OSBPL8: variants seen among roughly 807,000 people sequenced by gnomAD.
OSBPL8 encodes oxysterol binding protein like 8.
Under a neutral mutation model 125.5 loss-of-function variants are expected in OSBPL8, and 59 were observed. That is an observed-to-expected ratio of 0.47 (90% CI 0.38 to 0.58). OSBPL8 has a LOEUF of 0.58. Ranked by LOEUF, OSBPL8 falls within the 20% of genes least tolerant of loss-of-function variation. OSBPL8 has a pLI of 0.00. For synonymous variants in OSBPL8, 330 were observed against 338.9 expected (o/e 0.97, Z 0.29); for missense variants, 758 against 1,047.8 (o/e 0.72, Z 3.82).
At chr12:76,499,575 G>A (rs1298418949) in intron 1 of OSBPL8, among the ~76,000 whole-genome samples, 1 of 152,058 alleles carries the variant, frequency 6.6e-6, no homozygotes, top group South Asian at 2.1e-4. Flanking sequence ...TGTCAGCCAG[G>A]TACAGTAGCT....
chr12:76,447,748 T>C (rs1431104385), intron 4 of OSBPL8, among the ~76,000 whole-genome samples: 1 of 152,224 alleles, frequency 6.6e-6, no homozygotes, highest in Non-Finnish European at 1.5e-5. Context: ...GGTTTCACCA[T>C]GTTGGCCAGG....
At chr12:76,504,106 G>A (rs1242256985) in intron 1 of OSBPL8, among the ~76,000 whole-genome samples, 1 of 147,668 alleles carries the variant, frequency 6.8e-6, no homozygotes, top group East Asian at 2.0e-4. Context: ...AAAAAAACCT[G>A]AGGTCCTAAA....
At chr12:76,548,097 T>C (rs919656269) in intron 1 of OSBPL8, among the ~76,000 whole-genome samples, 5 of 152,300 alleles carry the variant, frequency 3.3e-5, no homozygotes, top group Non-Finnish European at 4.4e-5. Context: ...AGAAGACTTC[T>C]AATAAAAGAT....
chr12:76,518,520 G>A (rs1275778290), intron 1 of OSBPL8, among the ~76,000 whole-genome samples: 1 of 152,184 alleles, frequency 6.6e-6, no homozygotes, highest in Non-Finnish European at 1.5e-5. Context: ...ACTAGGCAGT[G>A]CCCTAGAGGG....
chr12:76,352,148 G>A lies in OSBPL8; in HGVS notation c.*3741C>T, dbSNP rs1951845106. ...CTAAAAAGTGAAAAAAATTTCAACT[G>A]AAGTTCTGTGGCTCATCAGTTCAAA... On this transcript the variant is annotated 3_prime_UTR_variant, in exon 24 of 24. Coordinates refer to ENST00000261183, the MANE Select transcript of OSBPL8 (RefSeq NM_020841.5). The A allele has an allele frequency of 6.6e-6, 1 of 152,506 alleles. No individual in the cohort carries two copies. Among genetic ancestry groups the A allele is most frequent in the Admixed American group, 6.5e-5 (1 of 15,274 alleles). 9.4% of individuals were successfully genotyped at this position (152,506 alleles called of 1,614,324 possible). A position where few individuals can be genotyped will look rare whatever the true frequency, so the allele number is the denominator to read the frequency against.
chr12:76,361,414 C>T (rs1056280783), intron 21 of OSBPL8, among the ~76,000 whole-genome samples: 6 of 152,326 alleles, frequency 3.9e-5, no homozygotes, highest in African/African-American at 1.4e-4. Flanking sequence ...GTCAACAAGT[C>T]TCTAGGAGGT....
chr12:76,369,889 G>C, intron 19 of OSBPL8, 67 bp from the exon 20 acceptor site: 1 of 1,396,876 alleles, frequency 7.2e-7, no homozygotes, highest in Non-Finnish European at 9.7e-7. Flanking sequence ...ATATAGAATA[G>C]GCCTCAAATC....
At position 76,397,805 on chromosome 12, in the gene OSBPL8, C is replaced by T; in HGVS notation, c.561G>A (p.Trp187Ter). Residue 187 changes from tryptophan (W) to a stop codon, truncating the protein, a stop_gained, in exon 8 of 24, where the codon TGG (tryptophan) becomes TGA (stop). Transcript: ENST00000261183. LOFTEE classifies it high-confidence loss of function. ...AGGCATTCAGAAGAACTGTTCCTAC[C>T]CACTGACCATTTTTTTGGGTTTTAT... ...LIYKTQKNGQ[W>*]VGTVLLNACE... 3 of 1,614,044 alleles carry T rather than the reference C, an allele frequency of 1.9e-6. No homozygotes were observed. The highest frequency in any genetic ancestry group is 2.5e-6 in the Non-Finnish European group (3 of 1,179,998).
chr12:76,401,679 G>A (rs977006826), intron 6 of OSBPL8, among the ~76,000 whole-genome samples: 6 of 152,096 alleles, frequency 3.9e-5, no homozygotes, highest in Non-Finnish European at 7.4e-5. Flanking sequence ...TTCTCTTACT[G>A]ATAGAAACCT....
chr12:76,496,562 CAG>C (rs1879298196), intron 1 of OSBPL8, among the ~76,000 whole-genome samples: 1 of 150,724 alleles, frequency 6.6e-6, no homozygotes, highest in Non-Finnish European at 1.5e-5. Flanking sequence ...TTTTTTGAGA[CAG>C]AGTTTCGCTC....
intron 3 of OSBPL8, among the ~76,000 whole-genome samples, chr12:76,455,756 TAGTAGACTATTCAAAC>T: frequency 6.6e-6 from 1 of 152,192 alleles, no homozygotes; most frequent in Non-Finnish European, 1.5e-5. Context: ...AGTTACATAA[TAGTAGACTATTCAAAC>T]ATAAGTTTAA....
chr12:76,529,233 C>T (rs1473077132), intron 1 of OSBPL8, among the ~76,000 whole-genome samples: 1 of 152,048 alleles, frequency 6.6e-6, no homozygotes, highest in Non-Finnish European at 1.5e-5. Flanking sequence ...TATTAAGGTG[C>T]ACACTATAAG....
intron 1 of OSBPL8, among the ~76,000 whole-genome samples, chr12:76,532,270 T>C (rs528417505): frequency 1.2e-4 from 19 of 152,116 alleles, no homozygotes; most frequent in African/African-American, 4.6e-4. Flanking sequence ...GCACTTAATA[T>C]ATTTAAGAAA....
chr12:76,366,580 G>T (rs1390317103), intron 21 of OSBPL8: 1 of 449,234 alleles, frequency 2.2e-6, no homozygotes, highest in Admixed American at 2.4e-5. Flanking sequence ...TCTTCTGCTA[G>T]CTTTGGGTTT....
chr12:76,530,852 A>G (rs1190051278), intron 1 of OSBPL8, among the ~76,000 whole-genome samples: 1 of 152,230 alleles, frequency 6.6e-6, no homozygotes, highest in African/African-American at 2.4e-5. Flanking sequence ...CCCTGAAGAC[A>G]TAACTAACAA....
rs1420135728 is a variant in OSBPL8 at position 76,559,598 on chromosome 12, G to C, written c.-269C>G. On this transcript the variant is annotated 5_prime_UTR_variant, in exon 1 of 24. Transcript: ENST00000261183. Reference sequence around the variant, plus strand: ...GGCACTGCCGGCTCAGCCCCCGAGCGGGGCGGGAACTTTCGGCCCCGAGGT... The same window carrying C: ...GGCACTGCCGGCTCAGCCCCCGAGCCGGGCGGGAACTTTCGGCCCCGAGGT... 1 of 152,222 alleles carries C rather than the reference G, an allele frequency of 6.6e-6. No individual in the cohort carries two copies. The highest frequency in any genetic ancestry group is 2.4e-5 in the African/African-American group (1 of 41,464). 9.4% of individuals were successfully genotyped at this position (152,222 alleles called of 1,614,324 possible). A position where few individuals can be genotyped will look rare whatever the true frequency, so the allele number is the denominator to read the frequency against.
intron 4 of OSBPL8, among the ~76,000 whole-genome samples, chr12:76,417,922 T>C (rs1301913078): frequency 6.6e-6 from 1 of 152,088 alleles, no homozygotes; most frequent in African/African-American, 2.4e-5. Flanking sequence ...TGTGTACTAA[T>C]TGCTGACTTT....
intron 21 of OSBPL8, among the ~76,000 whole-genome samples, chr12:76,363,423 T>G (rs1234973713): frequency 6.6e-6 from 1 of 152,184 alleles, no homozygotes; most frequent in Non-Finnish European, 1.5e-5. Context: ...GATTCCCTAT[T>G]TAATAAACAG....
chr12:76,368,274 T>C (rs753730084), intron 21 of OSBPL8, among the ~76,000 whole-genome samples: 3 of 152,302 alleles, frequency 2.0e-5, no homozygotes, highest in Non-Finnish European at 2.9e-5. Context: ...AAGATATCGG[T>C]TGTTAATCCT....
Sources: gnomAD v4.1 joint callset for allele counts (sites outside exome capture counted in the v4.1 genomes callset) on GRCh38, gnomAD v4.1.1 for gene constraint, MANE v1.5 for transcripts, NCBI Gene and HGNC (gene_info 2026-07-23, HGNC 2026-07-21) for gene names.